Variants in KIAA1549 observed in about 807,000 individuals in gnomAD.
KIAA1549 encodes the protein UPF0606 protein KIAA1549.
KIAA1549 carries 70 observed loss-of-function variants against 156.4 expected under a neutral mutation model. That is an observed-to-expected ratio of 0.45 (90% CI 0.37 to 0.55). The LOEUF is 0.55. KIAA1549 is among the 20% of genes least tolerant of loss of function. KIAA1549 has a pLI of 0.00. For synonymous variants in KIAA1549, 1,103 were observed against 1,066.4 expected (o/e 1.03, Z -0.67); for missense variants, 2,428 against 2,540.9 (o/e 0.96, Z 0.96).
intron 10 of KIAA1549, among the ~76,000 whole-genome samples, chr7:138,887,046 C>T (rs2130420772): frequency 6.6e-6 from 1 of 152,066 alleles, no homozygotes; most frequent in Admixed American, 6.5e-5. Flanking sequence ...GGACTACAGG[C>T]GTGCACCACC....
At chr7:138,940,220 T>C (rs1813140147) in intron 1 of KIAA1549, among the ~76,000 whole-genome samples, 1 of 151,704 alleles carries the variant, frequency 6.6e-6, no homozygotes. Context: ...TGTGTCCATG[T>C]GTTCTCATTG....
chr7:138,834,252 C>T lies in KIAA1549; in HGVS notation c.*3654G>A, dbSNP rs186517926. ...TCAGCTCACTGCAACCTCCACCCCC[C>T]GGGTTCAAGCAATTATCGTGCCTCA... On this transcript the variant is annotated 3_prime_UTR_variant, in exon 20 of 20. Transcript: ENST00000422774. 32 of 188,588 alleles carry T rather than the reference C, an allele frequency of 1.7e-4. No homozygotes were observed. Among genetic ancestry groups the T allele is most frequent in the Admixed American group, 6.8e-4 (11 of 16,242 alleles). The allele number at this position is 188,588 out of a possible 1,614,324, so 11.7% of individuals were successfully genotyped here.
At chr7:138,893,862 G>C (rs1204082981) in intron 10 of KIAA1549, among the ~76,000 whole-genome samples, 1 of 152,256 alleles carries the variant, frequency 6.6e-6, no homozygotes, top group Non-Finnish European at 1.5e-5. Flanking sequence ...TTTGAGGCCA[G>C]GAGTTCGAGA....
Position 138,971,758 on chromosome 7 carries a change from T to C in KIAA1549, c.187+9325A>G, listed in dbSNP as rs949522758. Among the ~76,000 whole-genome samples, 7 of 152,274 alleles carry C rather than the reference T, an allele frequency of 4.6e-5. No homozygotes were observed. The East Asian group carries it at 1.4e-3, about 29-fold the overall frequency. On this transcript the variant is annotated intron_variant, in intron 1 of 19. Coordinates refer to ENST00000422774, the MANE Select transcript of KIAA1549 (RefSeq NM_001164665.2). ...CACTTCCCTTCTCTTGCTGGAAAGA[T>C]CTTCTCGGTCCCTTTCAGTACCAAT...
rs1812355517 is a variant in KIAA1549, at chr7:138,917,184, T to G, written c.2442A>C (p.Gln814His). 1 of 1,613,920 alleles carries G rather than the reference T, an allele frequency of 6.2e-7. No homozygotes were observed. Among genetic ancestry groups the G allele is most frequent in the South Asian group, 1.1e-5 (1 of 91,078 alleles). Residue 814 changes from glutamine to histidine, a missense_variant, in exon 2 of 20, where the codon CAA (glutamine) becomes CAC (histidine). Gln to His is a conservative substitution (Grantham distance 24). Around this residue, in one of 5 missense-constraint regions of KIAA1549, gnomAD observed 762 missense variants for 901.6 expected, o/e 0.85. Coordinates refer to ENST00000422774, the MANE Select transcript of KIAA1549 (RefSeq NM_001164665.2). ...LFSTLTPPDD[Q>H]ISALDGHVSV... ...ACACGTGACCGTCTAGAGCACTGATTTGGTCGTCAGGAGGTGTCAGAGTTG... is the reference window on the plus strand; with the variant it reads ...ACACGTGACCGTCTAGAGCACTGATGTGGTCGTCAGGAGGTGTCAGAGTTG...
intron 1 of KIAA1549, among the ~76,000 whole-genome samples, chr7:138,934,669 A>G (rs1812959759): frequency 6.6e-6 from 1 of 152,180 alleles, no homozygotes; most frequent in Admixed American, 6.5e-5. Context: ...TTCATCCTCT[A>G]ACAAGATACG....
In KIAA1549 at chr7:138,836,214, T is replaced by A. The variant is rs1809702062; in HGVS notation, c.*1692A>T. ...GTTTTGGTCAATGACGGTCTACATA[T>A]TGATGGTAGTCCCATAAGATTATAA... On this transcript the variant is annotated 3_prime_UTR_variant, in exon 20 of 20. Transcript: ENST00000422774. The A allele has an allele frequency of 4.9e-6, 1 of 204,626 alleles. No individual in the cohort carries two copies. The highest frequency in any genetic ancestry group is 7.5e-5 in the East Asian group (1 of 13,250). The allele number at this position is 204,626 out of a possible 1,614,324, so 12.7% of individuals were successfully genotyped here.
At chr7:138,920,201 C>A (rs113288540) in intron 1 of KIAA1549, among the ~76,000 whole-genome samples, 1 of 143,168 alleles carries the variant, frequency 7.0e-6, no homozygotes, top group African/African-American at 2.7e-5. Flanking sequence ...GATCCTCTCA[C>A]CCCCGCCTGG....
intron 14 of KIAA1549, 27 bp downstream of exon 14, chr7:138,869,511 A>G (rs2130382032): frequency 6.5e-7 from 1 of 1,530,372 alleles, no homozygotes; most frequent in East Asian, 2.4e-5. Context: ...CGCCCGCCCC[A>G]CCGCCTAGCG....
In KIAA1549 at chr7:138,868,007, C is replaced by T. The variant is rs369244498; in HGVS notation, c.4897G>A (p.Gly1633Ser). ...DSDGTYRRPPGVHNSAYIGCP... is the reference protein window; with the variant it reads ...DSDGTYRRPPSVHNSAYIGCP... ...CCGATGTAGGCTGAGTTGTGGACGC[C>T]GGGGGGCCTCCTGTAGGTGCCATCG... is the stretch of plus-strand genomic sequence containing the variant. Residue 1633 changes from glycine (G) to serine (S), a missense_variant, in exon 15 of 20, where the codon GGC becomes AGC. Transcript: ENST00000422774. 84 of 1,613,762 alleles carry T rather than the reference C, an allele frequency of 5.2e-5. No homozygotes were observed. Among genetic ancestry groups the T allele is most frequent in the Non-Finnish European group, 6.2e-5 (73 of 1,179,832 alleles).
intron 1 of KIAA1549, among the ~76,000 whole-genome samples, chr7:138,969,365 TA>T (rs2130569614): frequency 6.6e-6 from 1 of 152,342 alleles, no homozygotes; most frequent in African/African-American, 2.4e-5. Context: ...GGACCTCACG[TA>T]AGTGGAATCC....
chr7:138,935,687 A>G (rs758978754), intron 1 of KIAA1549, among the ~76,000 whole-genome samples: 1 of 152,164 alleles, frequency 6.6e-6, no homozygotes, highest in African/African-American at 2.4e-5. Context: ...ATGAACATCC[A>G]CACCGACGTC....
Position 138,871,504 on chromosome 7 carries a change from T to A in KIAA1549, c.4346-142A>T, listed in dbSNP as rs1584719640. On this transcript the variant is annotated intron_variant, in intron 12 of 19. Transcript: ENST00000422774. ...ATCCCCACTGCAGTAGCAGAGTGTT[T>A]ACAATTTCACTCTCTGAGCTTAAAT... The A allele has an allele frequency of 1.2e-5, 8 of 640,606 alleles. No homozygotes were observed. In the South Asian group the frequency reaches 1.6e-4, roughly 13 times the overall value. The allele number at this position is 640,606 out of a possible 1,614,324, so 39.7% of individuals were successfully genotyped here. A position where few individuals can be genotyped will look rare whatever the true frequency, so the allele number is the denominator to read the frequency against.
At chr7:138,969,742 A>C (rs1232072350) in intron 1 of KIAA1549, among the ~76,000 whole-genome samples, 2 of 152,080 alleles carry the variant, frequency 1.3e-5, no homozygotes, top group East Asian at 3.9e-4. Flanking sequence ...ACAGGCCTGC[A>C]CCACCATGCC....
In KIAA1549 at chr7:138,906,925, C is replaced by T. The variant is rs746150183; in HGVS notation, c.3454G>A (p.Ala1152Thr). ...FYLGYPVLQI[A>T]EPFQYPQLNL... is the part of the protein sequence containing the mutation. ...CCAAGAGGGCTGTACTCACGCTCTG[C>T]GATCTGCAGCACTGGGTATCCCAGA... Residue 1152 changes from alanine to threonine, a missense_variant, in exon 6 of 20, where the codon GCA (alanine) becomes ACA (threonine). By Grantham distance (58) the Ala-to-Thr change is moderately conservative. This residue lies in a region of KIAA1549 where 762 missense variants were observed against 901.6 expected (regional missense o/e 0.85). Coordinates refer to ENST00000422774, the MANE Select transcript of KIAA1549 (RefSeq NM_001164665.2). The T allele has an allele frequency of 6.3e-6, 10 of 1,592,422 alleles. No homozygotes were observed. The East Asian group carries it at 6.8e-5, about 11-fold the overall frequency.
chr7:138,839,981 G>C (rs954879418), intron 19 of KIAA1549, among the ~76,000 whole-genome samples, 152 bp downstream of exon 19: 3 of 151,414 alleles, frequency 2.0e-5, no homozygotes, highest in Non-Finnish European at 4.4e-5. Flanking sequence ...TAGTAGAGAC[G>C]GGATTTCACT....
At chr7:138,865,054 C>T (rs1425339262) in intron 15 of KIAA1549, among the ~76,000 whole-genome samples, 1 of 152,110 alleles carries the variant, frequency 6.6e-6, no homozygotes, top group East Asian at 1.9e-4. Flanking sequence ...AAGGTGAAAG[C>T]CCATCTCTAC....
intron 1 of KIAA1549, among the ~76,000 whole-genome samples, chr7:138,948,554 T>C (rs1813400216): frequency 6.6e-6 from 1 of 152,218 alleles, no homozygotes; most frequent in Non-Finnish European, 1.5e-5. Flanking sequence ...TCTTGTTACG[T>C]GGCCCTTGCA....
intron 18 of KIAA1549, 133 bp from the exon 19 acceptor site, chr7:138,840,411 C>G: frequency 1.4e-6 from 1 of 735,284 alleles, no homozygotes; most frequent in East Asian, 2.9e-5. Flanking sequence ...GACTTGGTAC[C>G]AGTTCTATCT....
Sources: gnomAD v4.1 joint callset for allele counts (sites outside exome capture counted in the v4.1 genomes callset) on GRCh38, gnomAD v4.1.1 for gene constraint, gnomAD v4.1.1 regional missense constraint, MANE v1.5 for transcripts, NCBI Gene and HGNC (gene_info 2026-07-23, HGNC 2026-07-21) for gene names.